The following CYSLTR2 variants were observed in gnomAD, a reference collection of about 807,000 sequenced individuals.
CYSLTR2 encodes the protein cysteinyl leukotriene receptor 2.
For synonymous variants in CYSLTR2, 179 were observed against 160.8 expected, an observed-to-expected ratio of 1.11 and a Z score of -0.86; for missense variants, 398 against 411.9, an observed-to-expected ratio of 0.97 and a Z score of 0.29.
intron 1 of CYSLTR2, among the ~76,000 whole-genome samples, chr13:48,673,986 G>C (rs577933955): frequency 6.6e-6 from 1 of 152,342 alleles, no homozygotes; most frequent in East Asian, 1.9e-4. Context: ...TCTGCGGAGA[G>C]ATCTGCGGTT....
At chr13:48,661,371 A>G (rs1953124874) in intron 1 of CYSLTR2, among the ~76,000 whole-genome samples, 4 of 152,026 alleles carry the variant, frequency 2.6e-5, no homozygotes, top group Admixed American at 2.6e-4. Flanking sequence ...CTGCTCTGTT[A>G]CTGCTTCCCT....
At chr13:48,704,219 T>A (rs1954421848) in intron 4 of CYSLTR2, among the ~76,000 whole-genome samples, 3 of 152,206 alleles carry the variant, frequency 2.0e-5, no homozygotes, top group African/African-American at 7.2e-5. Context: ...CTTTGTCTAT[T>A]CTGCTACTAT....
At chr13:48,667,764 T>C (rs1192233648) in intron 1 of CYSLTR2, among the ~76,000 whole-genome samples, 2 of 152,234 alleles carry the variant, frequency 1.3e-5, no homozygotes, top group Admixed American at 6.5e-5. Context: ...CAGTATGTGC[T>C]AGCTCTTGGA....
At chr13:48,687,054 G>C (rs555735389) in intron 1 of CYSLTR2, among the ~76,000 whole-genome samples, 1 of 152,252 alleles carries the variant, frequency 6.6e-6, no homozygotes, top group East Asian at 1.9e-4. Context: ...AAAGGGATTT[G>C]CTCTCTTGCT....
chr13:48,661,859 G>A (rs888892512), intron 1 of CYSLTR2, among the ~76,000 whole-genome samples: 2 of 152,016 alleles, frequency 1.3e-5, no homozygotes, highest in African/African-American at 4.8e-5. Flanking sequence ...TGTTGGGATC[G>A]TTCAATATCC....
At chr13:48,665,768 A>T (rs562392708) in intron 1 of CYSLTR2, among the ~76,000 whole-genome samples, 2 of 152,194 alleles carry the variant, frequency 1.3e-5, no homozygotes, top group African/African-American at 4.8e-5. Flanking sequence ...CTATTAGGCC[A>T]GTCTATATCT....
chr13:48,684,610 T>C (rs1334766713), intron 1 of CYSLTR2, among the ~76,000 whole-genome samples: 1 of 151,996 alleles, frequency 6.6e-6, no homozygotes, highest in Non-Finnish European at 1.5e-5. Context: ...ACACACAGTG[T>C]CTCAACCTCT....
chr13:48,694,468 G>T (rs1410526398), intron 3 of CYSLTR2, among the ~76,000 whole-genome samples: 2 of 152,138 alleles, frequency 1.3e-5, no homozygotes, highest in Non-Finnish European at 2.9e-5. Flanking sequence ...TTTGCAATAA[G>T]TTTTACAGAC....
chr13:48,702,699 T>A (rs775646614), intron 4 of CYSLTR2, among the ~76,000 whole-genome samples: 1 of 152,240 alleles, frequency 6.6e-6, no homozygotes, highest in Non-Finnish European at 1.5e-5. Flanking sequence ...ACTTTAACTA[T>A]AAAATAAGTC....
At chr13:48,682,648 T>C (rs184081455) in intron 1 of CYSLTR2, among the ~76,000 whole-genome samples, 1 of 152,180 alleles carries the variant, frequency 6.6e-6, no homozygotes, top group Non-Finnish European at 1.5e-5. Context: ...AATTTCATCA[T>C]ATCAGTTCTT....
intron 4 of CYSLTR2, among the ~76,000 whole-genome samples, chr13:48,703,678 T>C (rs528055627): frequency 6.6e-6 from 1 of 152,310 alleles, no homozygotes; most frequent in East Asian, 1.9e-4. Flanking sequence ...TATTCATCCA[T>C]AGTCTTTTGT....
At chr13:48,667,417 A>C (rs1009010056) in intron 1 of CYSLTR2, among the ~76,000 whole-genome samples, 2 of 152,144 alleles carry the variant, frequency 1.3e-5, no homozygotes, top group Non-Finnish European at 2.9e-5. Flanking sequence ...AGTGGCTTGC[A>C]GGGATATTTC....
intron 2 of CYSLTR2, among the ~76,000 whole-genome samples, chr13:48,692,640 C>T (rs1033986522): frequency 1.3e-5 from 2 of 151,160 alleles, no homozygotes; most frequent in African/African-American, 4.8e-5. Context: ...GATATTTATT[C>T]TGTATACATA....
At chr13:48,654,597 A>G (rs1952958509) in intron 1 of CYSLTR2, among the ~76,000 whole-genome samples, 1 of 152,154 alleles carries the variant, frequency 6.6e-6, no homozygotes, top group Non-Finnish European at 1.5e-5. Flanking sequence ...AAGAAGTTAA[A>G]TCTGAGCACA....
intron 1 of CYSLTR2, among the ~76,000 whole-genome samples, chr13:48,655,293 T>C (rs1043574388): frequency 5.9e-5 from 9 of 152,282 alleles, no homozygotes; most frequent in Non-Finnish European, 7.4e-5. Flanking sequence ...AGGTGGGCAT[T>C]TAATAGCTGG....
intron 1 of CYSLTR2, among the ~76,000 whole-genome samples, chr13:48,680,157 G>T (rs570504571): frequency 6.0e-4 from 92 of 152,256 alleles, no homozygotes; most frequent in Non-Finnish European, 1.1e-3. Flanking sequence ...GGCTATTCTG[G>T]ATTTGTTTGA....
chr13:48,668,519 A>G (rs535675161), intron 1 of CYSLTR2, among the ~76,000 whole-genome samples: 4 of 152,302 alleles, frequency 2.6e-5, no homozygotes, highest in African/African-American at 7.2e-5. Context: ...AAGTGTCTTT[A>G]CATGCATTAC....
chr13:48,695,067 C>CTTTTTTTTTTTTTTTTTTTTT (rs1278951741), intron 3 of CYSLTR2, among the ~76,000 whole-genome samples: 2 of 83,698 alleles, frequency 2.4e-5, no homozygotes, highest in Admixed American at 2.5e-4. Context: ...CAGAACCTGG[C>CTTTTTTTTTTTTTTTTTTTTT]ATTTTTTTTT....
At chr13:48,661,858 C>T (rs572399495) in intron 1 of CYSLTR2, among the ~76,000 whole-genome samples, 2 of 152,204 alleles carry the variant, frequency 1.3e-5, no homozygotes, top group African/African-American at 2.4e-5. Context: ...TTGTTGGGAT[C>T]GTTCAATATC....
Sources: allele counts gnomAD v4.1 joint callset (sites outside exome capture counted in the v4.1 genomes callset), GRCh38; gene constraint gnomAD v4.1.1; transcripts MANE v1.5; gene names NCBI Gene and HGNC (gene_info 2026-07-23, HGNC 2026-07-21).